The following ROBO2 variants were observed in gnomAD, a reference collection of about 807,000 sequenced individuals.
ROBO2 encodes the protein roundabout guidance receptor 2.
Under a neutral mutation model 160.8 loss-of-function variants are expected in ROBO2, and 53 were observed. The ratio of observed to expected loss-of-function variants is 0.33; its 90% CI spans 0.26 to 0.41. The LOEUF (loss-of-function observed/expected upper bound fraction) is 0.41, where lower values mean the gene tolerates loss of function less well. ROBO2 is among the 10% of genes least tolerant of loss of function. The probability of loss-of-function intolerance (pLI) is 1.00; values close to 1 mark genes in which losing one functional copy is unlikely to be tolerated. For synonymous variants in ROBO2, 664 were observed against 611.7 expected (o/e 1.09, Z -1.26); for missense variants, 1,577 against 1,722.4 (o/e 0.92, Z 1.49).
At chr3:77,499,214 T>C (rs988148218) in intron 5 of ROBO2, among the ~76,000 whole-genome samples, 13 of 152,226 alleles carry the variant, frequency 8.5e-5, no homozygotes, top group Admixed American at 3.3e-4. Context: ...TGCCGTTTTC[T>C]GGAAATGATA....
chr3:77,216,654 T>A (rs2085003037), intron 2 of ROBO2, among the ~76,000 whole-genome samples: 1 of 152,156 alleles, frequency 6.6e-6, no homozygotes, highest in South Asian at 2.1e-4. Flanking sequence ...AAATCACTCG[T>A]CTTCTGCGTC....
intron 2 of ROBO2, among the ~76,000 whole-genome samples, chr3:76,768,865 T>G (rs267130): frequency 0.49 from 73,819 of 151,092 alleles, 18,880 homozygotes; most frequent in African/African-American, 0.65. Flanking sequence ...GCTAAACAAA[T>G]CTATATATCT....
intron 2 of ROBO2, among the ~76,000 whole-genome samples, chr3:77,215,392 T>G (rs985488988): frequency 5.9e-5 from 9 of 152,212 alleles, no homozygotes; most frequent in African/African-American, 2.2e-4. Context: ...GGCTTGTGCA[T>G]TCATCATGTA....
chr3:76,045,070 C>A (rs4856002), intron 2 of ROBO2, among the ~76,000 whole-genome samples: 21,956 of 151,942 alleles, frequency 0.14, 2,209 homozygotes, highest in East Asian at 0.44. Context: ...ATTTTGATTT[C>A]TTTTATTACC....
chr3:76,947,454 T>G (rs1352911192), intron 2 of ROBO2, among the ~76,000 whole-genome samples: 1 of 152,192 alleles, frequency 6.6e-6, no homozygotes. Context: ...TATAAATGTT[T>G]CAGTACATGT....
chr3:77,605,892 A>G (rs78993178), intron 20 of ROBO2, among the ~76,000 whole-genome samples: 31,776 of 152,016 alleles, frequency 0.21, 3,999 homozygotes, highest in East Asian at 0.35. Context: ...ATATAAATAA[A>G]TAAGGAATAA....
At chr3:76,178,190 C>T (rs1195107175) in intron 2 of ROBO2, among the ~76,000 whole-genome samples, 1 of 152,062 alleles carries the variant, frequency 6.6e-6, no homozygotes, top group Non-Finnish European at 1.5e-5. Context: ...TTACCATCCA[C>T]AATATTCACA....
At chr3:77,525,726 A>C (rs958720879) in intron 6 of ROBO2, among the ~76,000 whole-genome samples, 5 of 151,140 alleles carry the variant, frequency 3.3e-5, no homozygotes, top group Admixed American at 2.6e-4. Flanking sequence ...ATTATTCTAT[A>C]ATAAAATAAA....
At chr3:76,256,027 A>G (rs182093643) in intron 2 of ROBO2, among the ~76,000 whole-genome samples, 8 of 152,238 alleles carry the variant, frequency 5.3e-5, no homozygotes, top group Admixed American at 6.5e-5. Context: ...AGCCAGGTGC[A>G]GTGGTTCACG....
intron 2 of ROBO2, among the ~76,000 whole-genome samples, chr3:76,338,209 A>G (rs2074009354): frequency 6.6e-6 from 1 of 152,136 alleles, no homozygotes; most frequent in East Asian, 1.9e-4. Context: ...ACTGGATCAA[A>G]TGGAGTGTGA....
chr3:76,566,392 T>C (rs903356098), intron 2 of ROBO2, among the ~76,000 whole-genome samples: 2 of 152,112 alleles, frequency 1.3e-5, no homozygotes, highest in African/African-American at 4.8e-5. Context: ...CATCACTCAC[T>C]TTCACACCAG....
At chr3:77,135,737 T>A (rs905641564) in intron 2 of ROBO2, among the ~76,000 whole-genome samples, 1 of 152,170 alleles carries the variant, frequency 6.6e-6, no homozygotes, top group African/African-American at 2.4e-5. Flanking sequence ...CAATGTTGAC[T>A]GTAGAATGTT....
At chr3:76,749,488 T>C (rs1367672320) in intron 2 of ROBO2, among the ~76,000 whole-genome samples, 1 of 152,020 alleles carries the variant, frequency 6.6e-6, no homozygotes, top group Non-Finnish European at 1.5e-5. Context: ...CAGCTGCTCA[T>C]GATCTAGGGA....
chr3:76,094,995 A>G, intron 2 of ROBO2, among the ~76,000 whole-genome samples: 1 of 152,184 alleles, frequency 6.6e-6, no homozygotes, highest in East Asian at 1.9e-4. Context: ...ATATAATATA[A>G]ACAATAATCT....
chr3:76,957,565 G>T (rs1197050468), intron 2 of ROBO2, among the ~76,000 whole-genome samples: 3 of 152,070 alleles, frequency 2.0e-5, no homozygotes, highest in Non-Finnish European at 4.4e-5. Flanking sequence ...GGGTGCAGTG[G>T]CTCACGCCTG....
intron 19 of ROBO2, among the ~76,000 whole-genome samples, chr3:77,600,349 A>T (rs531536606): frequency 6.6e-6 from 1 of 152,358 alleles, no homozygotes; most frequent in East Asian, 1.9e-4. Context: ...GACAATATGC[A>T]GCCTAAAAAT....
chr3:77,252,519 G>C (rs567637140), intron 2 of ROBO2, among the ~76,000 whole-genome samples: 1 of 151,910 alleles, frequency 6.6e-6, no homozygotes, highest in African/African-American at 2.4e-5. Flanking sequence ...TATTAAATTA[G>C]AAATAGAACC....
chr3:75,967,744 G>A (rs1949168969), intron 2 of ROBO2, among the ~76,000 whole-genome samples: 2 of 151,096 alleles, frequency 1.3e-5, no homozygotes, highest in South Asian at 4.2e-4. Context: ...CTTATTTTTA[G>A]CCTCTTTAAA....
At chr3:77,206,358 C>T (rs905889713) in intron 2 of ROBO2, among the ~76,000 whole-genome samples, 1 of 151,936 alleles carries the variant, frequency 6.6e-6, no homozygotes, top group African/African-American at 2.4e-5. Flanking sequence ...TTGGTGGAGA[C>T]GGGTTTTTAC....
Sources: allele counts gnomAD v4.1 joint callset (sites outside exome capture counted in the v4.1 genomes callset), GRCh38; gene constraint gnomAD v4.1.1; transcripts MANE v1.5; gene names NCBI Gene and HGNC (gene_info 2026-07-23, HGNC 2026-07-21).